Variants in BTBD2 observed in about 807,000 individuals in gnomAD.
The protein encoded by BTBD2 is BTB domain containing 2, also known as BTB/POZ domain-containing protein 2.
BTBD2 carries 15 observed loss-of-function variants against 44.0 expected under a neutral mutation model. The ratio of observed to expected loss-of-function variants is 0.34; its 90% CI spans 0.23 to 0.53. The LOEUF is 0.53. Ranked by LOEUF, BTBD2 falls within the 20% of genes least tolerant of loss-of-function variation. BTBD2 has a pLI of 0.95. For synonymous variants in BTBD2, 443 were observed against 335.9 expected (o/e 1.32, Z -3.49); for missense variants, 657 against 746.4 (o/e 0.88, Z 1.39).
In BTBD2 at chr19:1,986,086, A is replaced by G. The variant is rs1258836618; in HGVS notation, c.*402T>C. The G allele has an allele frequency of 1.1e-5, 2 of 188,054 alleles. No individual in the cohort carries two copies. Among genetic ancestry groups the G allele is most frequent in the Admixed American group, 5.6e-5 (1 of 17,898 alleles). 11.6% of individuals were successfully genotyped at this position (188,054 alleles called of 1,614,324 possible). Reference sequence around the variant, plus strand: ...AGCAGCGCCACCCAGGCTGGCTCCTAGCAGAGAAATGGGAATCGCAAATGC... The same window carrying G: ...AGCAGCGCCACCCAGGCTGGCTCCTGGCAGAGAAATGGGAATCGCAAATGC... On this transcript the variant is annotated 3_prime_UTR_variant, in exon 9 of 9. Coordinates refer to ENST00000255608, the MANE Select transcript of BTBD2 (RefSeq NM_017797.4).
intron 6 of BTBD2, 65 bp downstream of exon 6, chr19:1,987,435 T>G: frequency 2.8e-5 from 15 of 536,592 alleles, no homozygotes; most frequent in Non-Finnish European, 4.1e-5. Context: ...CGGCCCCCCA[T>G]CTCCGTCATC....
At position 1,990,847 on chromosome 19, in the gene BTBD2, C is replaced by T. The variant is rs369728523; in HGVS notation, c.685-25G>A. Reference sequence around the variant, plus strand: ...CCTGGCAAGAGACATCGACGGGGGGCGCGGTGGGGACATCAGCACCCAGCC... The same window carrying T: ...CCTGGCAAGAGACATCGACGGGGGGTGCGGTGGGGACATCAGCACCCAGCC... On this transcript the variant is annotated intron_variant, in intron 3 of 8. Transcript: ENST00000255608. 44 of 1,534,086 alleles carry T rather than the reference C, an allele frequency of 2.9e-5. No individual in the cohort carries two copies. The East Asian group carries it at 3.7e-4, about 13-fold the overall frequency.
At position 2,015,450 on chromosome 19, in the gene BTBD2, G is replaced by A. The variant is rs767673689; in HGVS notation, c.254C>T (p.Ala85Val). Residue 85 changes from alanine (A) to valine (V), a missense_variant, in exon 1 of 9, where the codon GCG becomes GTG. By Grantham distance (64) the Ala-to-Val change is moderately conservative. This residue lies in a region of BTBD2 where 191 missense variants were observed against 188.5 expected (regional missense o/e 1.01). Coordinates refer to ENST00000255608, the MANE Select transcript of BTBD2 (RefSeq NM_017797.4). ...ERAEEAAGPG[A>V]AALQREAAYN... ...CGCGGCCTCGCGCTGCAGCGCCGCCGCCCCCGGGCCCGCCGCCTCCTCCGC... is the reference window on the plus strand; with the variant it reads ...CGCGGCCTCGCGCTGCAGCGCCGCCACCCCCGGGCCCGCCGCCTCCTCCGC... The A allele has an allele frequency of 5.0e-6, 7 of 1,398,070 alleles. No homozygotes were observed. Among genetic ancestry groups the A allele is most frequent in the South Asian group, 3.0e-5 (2 of 66,910 alleles). 86.6% of individuals were successfully genotyped at this position (1,398,070 alleles called of 1,614,324 possible). A position where few individuals can be genotyped will look rare whatever the true frequency, so the allele number is the denominator to read the frequency against.
chr19:1,987,228 C>G lies in BTBD2; in HGVS notation c.1207G>C (p.Val403Leu), dbSNP rs147228439. Residue 403 changes from valine (V) to leucine (L), a missense_variant, in exon 7 of 9, where the codon GTG (valine) becomes CTG (leucine). Val to Leu is a conservative substitution (Grantham distance 32). This residue lies in a region of BTBD2 where 449 missense variants were observed against 510.9 expected (regional missense o/e 0.88). Coordinates refer to ENST00000255608, the MANE Select transcript of BTBD2 (RefSeq NM_017797.4). ...IRFSVNKRIF[V>L]VGFGLYGSIH... ...GATCCATACAGCCCAAATCCCACCA[C>G]GAAGATGCGCTTGTTGACTGAGAAC... is the stretch of plus-strand genomic sequence containing the variant. 5.0e-6 allele frequency: 8 copies of G among 1,613,692 alleles called. No homozygotes were observed. The Admixed American group carries it at 1.2e-4, about 24-fold the overall frequency.
chr19:1,987,007 G>A (rs750295923), intron 7 of BTBD2, 31 bp from the exon 8 acceptor site: 1 of 1,603,084 alleles, frequency 6.2e-7, no homozygotes, highest in East Asian at 2.2e-5. Flanking sequence ...GGAGGCTCAG[G>A]CCTGGGGAGG....
intron 3 of BTBD2, chr19:1,991,033 A>C: frequency 1.9e-6 from 1 of 535,280 alleles, no homozygotes; most frequent in South Asian, 2.1e-5. Context: ...AGAGTTGGGG[A>C]GTTCCCTCTC....
chr19:1,987,179 T>G lies in BTBD2; in HGVS notation c.1256A>C (p.Gln419Pro). Residue 419 changes from glutamine to proline, a missense_variant, in exon 7 of 9, where the codon CAA becomes CCA. This residue lies in a region of BTBD2 where 449 missense variants were observed against 510.9 expected (regional missense o/e 0.88). Coordinates refer to ENST00000255608, the MANE Select transcript of BTBD2 (RefSeq NM_017797.4). ...YGSIHGPTDY[Q>P]VNIQIIHTDS... ...TGGGGCTGGTACCTGGATGTTCACT[T>G]GGTAGTCGGTGGGCCCGTGGATGGA... 6.2e-7 allele frequency: 1 copy of G among 1,613,706 alleles called. No homozygotes were observed. Among genetic ancestry groups the G allele is most frequent in the Non-Finnish European group, 8.5e-7 (1 of 1,179,778 alleles).
At chr19:1,992,839 C>T (rs894012930) in intron 3 of BTBD2, among the ~76,000 whole-genome samples, 181 bp downstream of exon 3, 1 of 151,922 alleles carries the variant, frequency 6.6e-6, no homozygotes, top group East Asian at 1.9e-4. Flanking sequence ...CCCAAAGTGC[C>T]GGGATTACAG....
chr19:1,998,193 C>G (rs958394994), intron 1 of BTBD2, among the ~76,000 whole-genome samples: 1 of 152,258 alleles, frequency 6.6e-6, no homozygotes. Flanking sequence ...CACTCTCCTG[C>G]TCACGCATTC....
chr19:1,999,132 C>T (rs1250655415), intron 1 of BTBD2, among the ~76,000 whole-genome samples: 3 of 152,276 alleles, frequency 2.0e-5, no homozygotes, highest in Non-Finnish European at 4.4e-5. Context: ...TCCCACCACA[C>T]GCGCCCCCCT....
intron 1 of BTBD2, among the ~76,000 whole-genome samples, chr19:2,007,569 C>T (rs899617359): frequency 6.6e-6 from 1 of 152,174 alleles, no homozygotes; most frequent in African/African-American, 2.4e-5. Context: ...GGGACGGTAG[C>T]TCACACCTGT....
chr19:1,990,311 G>A (rs986238536), intron 4 of BTBD2, 110 bp from the exon 5 acceptor site: 19 of 1,171,000 alleles, frequency 1.6e-5, no homozygotes, highest in East Asian at 5.2e-5. Context: ...TGGCAACTAT[G>A]GCCCGTGGCC....
At chr19:2,011,178 C>T (rs556444599) in intron 1 of BTBD2, among the ~76,000 whole-genome samples, 13 of 152,080 alleles carry the variant, frequency 8.5e-5, no homozygotes, top group Non-Finnish European at 1.0e-4. Context: ...ATGCTCCAGC[C>T]AGAAGTCTGG....
chr19:2,011,372 C>T (rs1213254642), intron 1 of BTBD2, among the ~76,000 whole-genome samples: 3 of 152,106 alleles, frequency 2.0e-5, no homozygotes, highest in South Asian at 4.1e-4. Flanking sequence ...GCTCCTGGGC[C>T]CATCCACGGC....
At position 1,987,615 on chromosome 19, in the gene BTBD2, G is replaced by A. The variant is rs200752954; in HGVS notation, c.1066C>T (p.Arg356Ter). 2.5e-6 allele frequency: 4 copies of A among 1,612,704 alleles called. No homozygotes were observed. The highest frequency in any genetic ancestry group is 1.7e-5 in the Admixed American group (1 of 59,940). Residue 356 changes from arginine to a stop codon, truncating the protein, a stop_gained, in exon 6 of 9, where the codon CGA becomes TGA. Coordinates refer to ENST00000255608, the MANE Select transcript of BTBD2 (RefSeq NM_017797.4). LOFTEE classifies it high-confidence loss of function. ...FLHFTVNPKP[R>*]VEFIDRPRCC... is the part of the protein sequence containing the mutation. ...CGGGGCCGGTCAATGAACTCCACTC[G>A]TGGCTTGGGGTTGACGGTGAAGTGC...
At position 1,997,445 on chromosome 19, in the gene BTBD2, G is replaced by A. The variant is rs1001323700; in HGVS notation, c.426C>T (p.Gly142=). The change falls in exon 2 of 9, where the codon GGC becomes GGT. Residue 142 remains glycine (G), a synonymous_variant. Coordinates refer to ENST00000255608, the MANE Select transcript of BTBD2 (RefSeq NM_017797.4). ...IPAHRFVLAV[G]SAVFDAMFNG... Reference sequence around the variant, plus strand: ...TGAACATGGCATCAAAGACGGCGCTGCCCACGGCCAGCACGAACCTGGTAC... The same window carrying A: ...TGAACATGGCATCAAAGACGGCGCTACCCACGGCCAGCACGAACCTGGTAC... 1 of 1,614,120 alleles carries A rather than the reference G, an allele frequency of 6.2e-7. No individual in the cohort carries two copies. The highest frequency in any genetic ancestry group is 8.5e-7 in the Non-Finnish European group (1 of 1,180,030).
intron 7 of BTBD2, 73 bp downstream of exon 7, chr19:1,987,093 G>T: frequency 6.3e-7 from 1 of 1,597,322 alleles, no homozygotes; most frequent in Non-Finnish European, 8.6e-7. Context: ...CGGGGGTTCA[G>T]CCAGGGTTCC....
rs975973917 is a variant in BTBD2, at chr19:1,992,269, TA to T, written c.684+750del. On this transcript the variant is annotated intron_variant, in intron 3 of 8. Coordinates refer to ENST00000255608, the MANE Select transcript of BTBD2 (RefSeq NM_017797.4). ...CAGCGTGCTTGGCTAATTTATGAAA[TA>T]TTTTTTTTTAGTAGAGATGAGGTTT... Among the ~76,000 whole-genome samples the T allele has an allele frequency of 2.6e-5, 4 of 151,998 alleles. No individual in the cohort carries two copies. The East Asian group carries it at 5.8e-4, about 22-fold the overall frequency.
Position 1,990,703 on chromosome 19 carries a change from T to C in BTBD2, c.790+14A>G. ...CCCGCTGGGATTCCCACACCTGGGCTCCTGGGCCCTTACCCAGGTCAATGT... is the reference window on the plus strand; with the variant it reads ...CCCGCTGGGATTCCCACACCTGGGCCCCTGGGCCCTTACCCAGGTCAATGT... On this transcript the variant is annotated intron_variant, in intron 4 of 8. Coordinates refer to ENST00000255608, the MANE Select transcript of BTBD2 (RefSeq NM_017797.4). 6.3e-7 allele frequency: 1 copy of C among 1,583,632 alleles called. No individual in the cohort carries two copies. The highest frequency in any genetic ancestry group is 8.6e-7 in the Non-Finnish European group (1 of 1,164,690).
Sources: gnomAD v4.1 joint callset for allele counts (sites outside exome capture counted in the v4.1 genomes callset) on GRCh38, gnomAD v4.1.1 for gene constraint, gnomAD v4.1.1 regional missense constraint, MANE v1.5 for transcripts, NCBI Gene and HGNC (gene_info 2026-07-23, HGNC 2026-07-21) for gene names.